The following TACC2 variants were observed in gnomAD, a reference collection of about 807,000 sequenced individuals.
TACC2 encodes the protein transforming acidic coiled-coil containing protein 2.
In TACC2, 137 loss-of-function variants were observed where a neutral mutation model predicts 227.3. The observed-to-expected ratio is 0.60, with a 90% confidence interval of 0.52 to 0.69. TACC2 has a LOEUF of 0.69. TACC2 is among the 30% of genes least tolerant of loss of function. The pLI is 0.00. For synonymous variants in TACC2, 1,523 were observed against 1,487.5 expected (o/e 1.02, Z -0.55); for missense variants, 3,470 against 3,694.4 (o/e 0.94, Z 1.57).
intron 2 of TACC2, among the ~76,000 whole-genome samples, chr10:122,035,502 G>GA (rs1296102148): frequency 6.6e-6 from 1 of 152,302 alleles, no homozygotes; most frequent in Middle Eastern, 3.4e-3. Flanking sequence ...TGATCTGCTC[G>GA]AATGAAGCTT....
intron 6 of TACC2, among the ~76,000 whole-genome samples, chr10:122,138,053 C>T (rs1450831190): frequency 6.6e-6 from 1 of 152,162 alleles, no homozygotes; most frequent in East Asian, 1.9e-4. Context: ...ATACTGACTA[C>T]AGCTTTTATT....
chr10:122,206,124 G>A (rs2095098463), intron 8 of TACC2, among the ~76,000 whole-genome samples: 1 of 152,164 alleles, frequency 6.6e-6, no homozygotes, highest in Non-Finnish European at 1.5e-5. Flanking sequence ...AGAGGCGCCA[G>A]TGCGGGGGCT....
chr10:122,216,854 C>T lies in TACC2; in HGVS notation c.7546+26C>T, dbSNP rs971347545. On this transcript the variant is annotated intron_variant, in intron 11 of 22. Transcript: ENST00000369005. The stretch of plus-strand genomic sequence containing the variant: ...GTAAGCAACTCTGTAGCCAGCTGGA[C>T]CCCCACTCTGCCTCGGAGAATCCTG... The T allele has an allele frequency of 7.4e-6, 12 of 1,614,028 alleles. No individual in the cohort carries two copies. The African/African-American group carries it at 1.3e-4, about 18-fold the overall frequency.
chr10:122,240,328 G>C (rs770046695), intron 18 of TACC2, among the ~76,000 whole-genome samples: 3 of 152,192 alleles, frequency 2.0e-5, no homozygotes, highest in Non-Finnish European at 4.4e-5. Flanking sequence ...AGAAAACACA[G>C]AATTGCTCCT....
chr10:122,084,024 G>T lies in TACC2; in HGVS notation c.1524G>T (p.Glu508Asp), dbSNP rs147619126. The stretch of plus-strand genomic sequence containing the variant: ...ACTTGAACACGGAGCAAAGCCATGA[G>T]GTCCAACCAGGAGTACCACCCCCTC... ...GEHLNTEQSH[E>D]VQPGVPPPPL... The change falls in exon 4 of 23, where the codon GAG (glutamate) becomes GAT (aspartate). Residue 508 changes from glutamate to aspartate, a missense_variant. This residue lies in a region of TACC2 where 1,924 missense variants were observed against 1,978.3 expected (regional missense o/e 0.97). Coordinates refer to ENST00000369005, the MANE Select transcript of TACC2 (RefSeq NM_206862.4). 4.3e-6 allele frequency: 7 copies of T among 1,613,844 alleles called. No individual in the cohort carries two copies. The African/African-American group carries it at 9.3e-5, about 22-fold the overall frequency.
chr10:122,135,802 G>A (rs1359566509), intron 6 of TACC2, among the ~76,000 whole-genome samples: 4 of 152,344 alleles, frequency 2.6e-5, no homozygotes, highest in East Asian at 3.9e-4. Context: ...AAGATTGAAC[G>A]AGGCAACGCC....
chr10:122,216,958 G>A lies in TACC2; in HGVS notation c.7546+130G>A, dbSNP rs567122302. ...ATCATCATTGTGAGATCGTCTGCAC[G>A]TCTCCCGCTGCACTTGCAGCTCAGG... is the stretch of plus-strand genomic sequence containing the variant. On this transcript the variant is annotated intron_variant, in intron 11 of 22. Transcript: ENST00000369005. 1.7e-5 allele frequency: 26 copies of A among 1,527,296 alleles called. No homozygotes were observed. In the South Asian group the frequency reaches 2.0e-4, roughly 12 times the overall value. The allele number at this position is 1,527,296 out of a possible 1,614,324, so 94.6% of individuals were successfully genotyped here.
rs536855688 is a variant in TACC2 at position 122,212,548 on chromosome 10, T to C, written c.7283+840T>C. Among the ~76,000 whole-genome samples the C allele has an allele frequency of 2.0e-5, 3 of 152,324 alleles. No homozygotes were observed. In the South Asian group the frequency reaches 6.2e-4, roughly 32 times the overall value. ...TAATATCTTGGCGATTTCCTTACTC[T>C]TACGGGAAGTATTGTCAGTAATTTA... is the stretch of plus-strand genomic sequence containing the variant. On this transcript the variant is annotated intron_variant, in intron 9 of 22. Coordinates refer to ENST00000369005, the MANE Select transcript of TACC2 (RefSeq NM_206862.4).
chr10:122,233,746 G>A (rs537151379), intron 16 of TACC2, among the ~76,000 whole-genome samples: 3 of 152,166 alleles, frequency 2.0e-5, no homozygotes, highest in South Asian at 4.1e-4. Flanking sequence ...GTATTTGGCC[G>A]TTTGGAGCCT....
At chr10:122,178,858 C>T (rs1358395148) in intron 7 of TACC2, among the ~76,000 whole-genome samples, 3 of 152,158 alleles carry the variant, frequency 2.0e-5, no homozygotes, top group African/African-American at 4.8e-5. Flanking sequence ...CCAGGCTGGG[C>T]AGAGTGAGAC....
intron 3 of TACC2, among the ~76,000 whole-genome samples, chr10:122,056,457 G>A (rs760932707): frequency 6.6e-6 from 1 of 152,238 alleles, no homozygotes; most frequent in Non-Finnish European, 1.5e-5. Context: ...TTACAGGCGT[G>A]AGCCACTGCG....
rs2095233887 is a variant in TACC2, at chr10:122,209,449, C to T, written c.5972-948C>T. Among the ~76,000 whole-genome samples the T allele has an allele frequency of 6.6e-6, 1 of 152,180 alleles. No individual in the cohort carries two copies. Among genetic ancestry groups the T allele is most frequent in the South Asian group, 2.1e-4 (1 of 4,832 alleles). Reference sequence around the variant, plus strand: ...CTTGCTTTAGCCACACTGGCCTCCTCGCTGTTTCTGTAACGCACCAGGTGC... The same window carrying T: ...CTTGCTTTAGCCACACTGGCCTCCTTGCTGTTTCTGTAACGCACCAGGTGC... On this transcript the variant is annotated intron_variant, in intron 8 of 22. Transcript: ENST00000369005. The surrounding 1 kb of genome is among the most constrained non-coding windows in gnomAD (Gnocchi z 4.5).
chr10:122,054,573 G>C (rs1388835420), intron 3 of TACC2, among the ~76,000 whole-genome samples: 1 of 152,196 alleles, frequency 6.6e-6, no homozygotes, highest in Non-Finnish European at 1.5e-5. Flanking sequence ...GGTTGTACCA[G>C]AGGAAATTAC....
intron 3 of TACC2, among the ~76,000 whole-genome samples, chr10:122,063,744 G>T (rs1012302421): frequency 6.6e-6 from 1 of 151,434 alleles, no homozygotes; most frequent in Non-Finnish European, 1.5e-5. Context: ...TTGTGAGATA[G>T]CTATATTTTG....
intron 3 of TACC2, among the ~76,000 whole-genome samples, chr10:122,058,722 T>C (rs1305993744): frequency 6.6e-6 from 1 of 152,020 alleles, no homozygotes; most frequent in Non-Finnish European, 1.5e-5. Flanking sequence ...CAACTCTTTA[T>C]AAGAAATAAG....
chr10:121,998,241 G>C (rs1953806112), intron 1 of TACC2, among the ~76,000 whole-genome samples: 1 of 151,336 alleles, frequency 6.6e-6, no homozygotes, highest in Admixed American at 6.6e-5. Context: ...GAACCCAGGA[G>C]GTGGAGGTTG....
intron 14 of TACC2, among the ~76,000 whole-genome samples, chr10:122,228,217 C>T (rs1417809955): frequency 1.3e-5 from 2 of 152,250 alleles, no homozygotes; most frequent in African/African-American, 4.8e-5. Context: ...TATGGTTTTG[C>T]ATTTCCCACT....
At position 122,021,980 on chromosome 10, in the gene TACC2, A is replaced by G. The variant is rs368424069; in HGVS notation, c.-2A>G. On this transcript the variant is annotated 5_prime_UTR_variant, in exon 2 of 23. Coordinates refer to ENST00000369005, the MANE Select transcript of TACC2 (RefSeq NM_206862.4). ...TGGGGACGCTGGGAACACTGAATCA[A>G]CATGGGCAATGAGAACAGCACCTCG... 2.3e-5 allele frequency: 37 copies of G among 1,614,050 alleles called. No individual in the cohort carries two copies. Among genetic ancestry groups the G allele is most frequent in the Non-Finnish European group, 3.0e-5 (35 of 1,180,038 alleles).
chr10:122,076,701 A>G lies in TACC2; in HGVS notation c.147-5946A>G, dbSNP rs537160680. The stretch of plus-strand genomic sequence containing the variant: ...AAGTGCTGCCTTAACTTTGTTTCAC[A>G]GAAGTATTAAAAAAAAAAAAAGTAC... On this transcript the variant is annotated intron_variant, in intron 3 of 22. Coordinates refer to ENST00000369005, the MANE Select transcript of TACC2 (RefSeq NM_206862.4). Among the ~76,000 whole-genome samples the G allele has an allele frequency of 3.3e-5, 5 of 151,704 alleles. No individual in the cohort carries two copies. In the South Asian group the frequency reaches 1.1e-3, roughly 32 times the overall value.
Sources: allele counts gnomAD v4.1 joint callset (sites outside exome capture counted in the v4.1 genomes callset), GRCh38; gene constraint gnomAD v4.1.1; regional missense constraint gnomAD v4.1.1; non-coding constraint Gnocchi (gnomAD v3.1); transcripts MANE v1.5; gene names NCBI Gene and HGNC (gene_info 2026-07-23, HGNC 2026-07-21).